Variants in ZNF48 observed in about 807,000 individuals in gnomAD.
ZNF48 encodes zinc finger protein 553.
In ZNF48, 20 loss-of-function variants were observed where a neutral mutation model predicts 40.0. The observed-to-expected ratio is 0.50, with a 90% CI of 0.35 to 0.73. The LOEUF is 0.73. ZNF48 is among the 30% of genes least tolerant of loss of function. The probability of loss-of-function intolerance (pLI) is 0.01; values close to 1 mark genes in which losing one functional copy is unlikely to be tolerated. For missense variants in ZNF48, 726 were observed against 851.9 expected (o/e 0.85, Z 1.84); for synonymous variants, 298 against 329.7 (o/e 0.90, Z 1.04).
upstream of ZNF48, among the ~76,000 whole-genome samples, chr16:30,390,626 T>G (rs1229503363): frequency 2.4e-4 from 25 of 106,372 alleles, no homozygotes; most frequent in Admixed American, 4.4e-4. Flanking sequence ...TTTTTTTTTT[T>G]TTTTTTTTTT....
Position 30,382,829 on chromosome 16 carries a change from G to A in ZNF48, c.-16+4419G>A, listed in dbSNP as rs1436195867. 7 of 1,519,364 alleles carry A rather than the reference G, an allele frequency of 4.6e-6. No individual in the cohort carries two copies. Among genetic ancestry groups the A allele is most frequent in the East Asian group, 4.9e-5 (2 of 40,858 alleles). 94.1% of individuals were successfully genotyped at this position (1,519,364 alleles called of 1,614,324 possible). On this transcript the variant is annotated intron_variant, in intron 1 of 2. Transcript: ENST00000528032. The surrounding 1 kb of genome is among the most constrained non-coding windows in gnomAD (Gnocchi z 4.8). ...TGGGGTATGTGCAGAGAGGAAGGAA[G>A]TGGCTCCCTTTGTTAGCAGGGGAGA...
At chr16:30,388,177 T>C (rs2049915936) in intron 1 of ZNF48, among the ~76,000 whole-genome samples, 1 of 152,034 alleles carries the variant, frequency 6.6e-6, no homozygotes. Context: ...TTTCTCAGTG[T>C]TGGTCAGGCT....
chr16:30,378,827 C>T lies in ZNF48; in HGVS notation c.-16+417C>T, dbSNP rs560713592. 1.0e-3 allele frequency: 475 copies of T among 471,578 alleles called. 1 individual carries two copies. The African/African-American group carries it at 0.02, about 19-fold the overall frequency. 29.2% of individuals were successfully genotyped at this position (471,578 alleles called of 1,614,324 possible). A position where few individuals can be genotyped will look rare whatever the true frequency, so the allele number is the denominator to read the frequency against. On this transcript the variant is annotated intron_variant, in intron 1 of 2. Coordinates refer to the ZNF48 transcript ENST00000528032. ...GGAGCCAGTTCCTTGAGGTTAGGGC[C>T]GGAGGCAAAGCGGGTGGGGAGAGAG...
Position 30,382,153 on chromosome 16 carries a change from G to A in ZNF48, c.-16+3743G>A. ...TTGGTGAGGAAGAGGCTGTTGATGA[G>A]GGTGGATTTCCCTAGGCCTGACTCC... On this transcript the variant is annotated intron_variant, in intron 1 of 2. Transcript: ENST00000528032. The surrounding 1 kb of genome is among the most constrained non-coding windows in gnomAD (Gnocchi z 4.8). 1 of 1,601,742 alleles carries A rather than the reference G, an allele frequency of 6.2e-7. No homozygotes were observed. The highest frequency in any genetic ancestry group is 8.5e-7 in the Non-Finnish European group (1 of 1,174,150).
upstream of ZNF48, chr16:30,395,317 C>A: frequency 2.2e-6 from 1 of 453,762 alleles, no homozygotes; most frequent in Middle Eastern, 3.6e-4. This position sits in a 1 kb window ranked among gnomAD's most constrained non-coding sequence, Gnocchi z 5.9. Flanking sequence ...CGCTGCCGCC[C>A]GCCGGCCACA....
intron 1 of ZNF48, chr16:30,379,336 T>A: frequency 6.3e-6 from 9 of 1,436,846 alleles, no homozygotes; most frequent in Non-Finnish European, 8.7e-6. Context: ...TAGGATCCCC[T>A]GGGACCAAAG....
At chr16:30,379,674 G>A (rs2049815435) in intron 1 of ZNF48, 2 of 427,878 alleles carry the variant, frequency 4.7e-6, no homozygotes, top group Non-Finnish European at 7.9e-6. Flanking sequence ...TTTGAGACAG[G>A]GTCTCACTCC....
In ZNF48 at chr16:30,398,755, G is replaced by A. The variant is rs765659653; in HGVS notation, c.1505G>A (p.Arg502His). 19 of 1,613,708 alleles carry A rather than the reference G, an allele frequency of 1.2e-5. No homozygotes were observed. The highest frequency in any genetic ancestry group is 3.3e-5 in the Admixed American group (2 of 60,008). Residue 502 changes from arginine to histidine, a missense_variant, in exon 3 of 3, where the codon CGT becomes CAT. Arg to His is a conservative substitution (Grantham distance 29). This residue lies in a region of ZNF48 where 166 missense variants were observed against 163.6 expected (regional missense o/e 1.01). Transcript: ENST00000613509. The surrounding 1 kb of genome is among the most constrained non-coding windows in gnomAD (Gnocchi z 6.6). ...SARVKHLRTH[R>H]GERARPPPPS... ...CGAGTCAAGCACCTCCGCACCCACCGTGGTGAACGGGCCCGGCCACCACCA... is the reference window on the plus strand; with the variant it reads ...CGAGTCAAGCACCTCCGCACCCACCATGGTGAACGGGCCCGGCCACCACCA...
intron 1 of ZNF48, among the ~76,000 whole-genome samples, chr16:30,386,161 C>T (rs1383411931): frequency 1.3e-5 from 2 of 151,758 alleles, no homozygotes; most frequent in Non-Finnish European, 2.9e-5. Flanking sequence ...CAATTGTTGC[C>T]CCAGCTAGTT....
chr16:30,382,556 G>A lies in ZNF48; in HGVS notation c.-16+4146G>A, dbSNP rs375914201. 2.3e-5 allele frequency: 36 copies of A among 1,588,758 alleles called. No individual in the cohort carries two copies. Among genetic ancestry groups the A allele is most frequent in the African/African-American group, 2.7e-5 (2 of 74,656 alleles). On this transcript the variant is annotated intron_variant, in intron 1 of 2. Transcript: ENST00000528032. The surrounding 1 kb of genome is among the most constrained non-coding windows in gnomAD (Gnocchi z 4.8). ...TCCGCCAGCCATCACTGCACCTGCC[G>A]TCTCTCCCCACTTCCTCTGGTGGGG...
At chr16:30,393,165 C>G (rs902436351), upstream of ZNF48, among the ~76,000 whole-genome samples, 3 of 152,270 alleles carry the variant, frequency 2.0e-5, no homozygotes, top group South Asian at 4.1e-4. Flanking sequence ...CAACCTCCGC[C>G]TCTGGGGTTC....
At position 30,382,683 on chromosome 16, in the gene ZNF48, C is replaced by T; in HGVS notation, c.-16+4273C>T. 2 of 1,532,194 alleles carry T rather than the reference C, an allele frequency of 1.3e-6. No individual in the cohort carries two copies. The highest frequency in any genetic ancestry group is 2.4e-5 in the South Asian group (2 of 83,912). The allele number at this position is 1,532,194 out of a possible 1,614,324, so 94.9% of individuals were successfully genotyped here. A position where few individuals can be genotyped will look rare whatever the true frequency, so the allele number is the denominator to read the frequency against. On this transcript the variant is annotated intron_variant, in intron 1 of 2. Coordinates refer to the ZNF48 transcript ENST00000528032. The surrounding 1 kb of genome is among the most constrained non-coding windows in gnomAD (Gnocchi z 4.8). Reference sequence around the variant, plus strand: ...AGGTGGGGAAGGCCAAGGCCAAGAACACTTGGGGTTGCCACCTCCTGGACC... The same window carrying T: ...AGGTGGGGAAGGCCAAGGCCAAGAATACTTGGGGTTGCCACCTCCTGGACC...
At chr16:30,392,860 A>G (rs1834277466), upstream of ZNF48, among the ~76,000 whole-genome samples, 1 of 152,152 alleles carries the variant, frequency 6.6e-6, no homozygotes, top group Admixed American at 6.6e-5. Flanking sequence ...TGACAACTCC[A>G]TATCCTATTG....
chr16:30,378,537 T>A, intron 1 of ZNF48: 1 of 1,599,726 alleles, frequency 6.3e-7, no homozygotes, highest in Non-Finnish European at 8.5e-7. Flanking sequence ...AGGGCGAGAT[T>A]GCAGGCGGTG....
At position 30,398,258 on chromosome 16, in the gene ZNF48, C is replaced by T. The variant is rs752692597; in HGVS notation, c.1008C>T (p.Cys336=). 28 of 1,613,256 alleles carry T rather than the reference C, an allele frequency of 1.7e-5. No individual in the cohort carries two copies. The highest frequency in any genetic ancestry group is 2.2e-5 in the Non-Finnish European group (26 of 1,180,018). Residue 336 remains cysteine (C), a synonymous_variant, in exon 3 of 3, where the codon TGC becomes TGT. Coordinates refer to ENST00000613509, the MANE Select transcript of ZNF48 (RefSeq NM_001214909.2). This position sits in a 1 kb window ranked among gnomAD's most constrained non-coding sequence, Gnocchi z 6.6. ...AGAAGCCCTACCTCTGCCCAGAGTG[C>T]GGCAAAGGTTTCGCGGACAGCTCCG... ...TGEKPYLCPE[C]GKGFADSSAR...
In ZNF48 at chr16:30,382,317, T is replaced by C; in HGVS notation, c.-16+3907T>C. On this transcript the variant is annotated intron_variant, in intron 1 of 2. Transcript: ENST00000528032. This position sits in a 1 kb window ranked among gnomAD's most constrained non-coding sequence, Gnocchi z 4.8. ...AAGTCAAACCCCTTCTTGACAGACT[T>C]GCGGTGCAGCTGGTTGGGGAGGGCA... The C allele has an allele frequency of 6.2e-7, 1 of 1,613,820 alleles. No homozygotes were observed. Among genetic ancestry groups the C allele is most frequent in the African/African-American group, 1.3e-5 (1 of 75,006 alleles).
At chr16:30,379,365 G>A in intron 1 of ZNF48, 1 of 1,472,640 alleles carries the variant, frequency 6.8e-7, no homozygotes, top group Non-Finnish European at 9.5e-7. Context: ...AACTTCACAT[G>A]TTGAGTGCGC....
rs776756845 is a variant in ZNF48 at position 30,382,224 on chromosome 16, G to T, written c.-16+3814G>T. The T allele has an allele frequency of 3.3e-5, 54 of 1,612,796 alleles. No homozygotes were observed. The highest frequency in any genetic ancestry group is 3.3e-4 in the Middle Eastern group (2 of 6,082). ...AACTGGTCAGGGGAGGGGACAGCCA[G>T]GGCCTCCTAAGGACATCCCCTCCGC... On this transcript the variant is annotated intron_variant, in intron 1 of 2. Transcript: ENST00000528032. The surrounding 1 kb of genome is among the most constrained non-coding windows in gnomAD (Gnocchi z 4.8).
chr16:30,393,001 A>G (rs2049953671), upstream of ZNF48, among the ~76,000 whole-genome samples: 1 of 152,116 alleles, frequency 6.6e-6, no homozygotes, highest in Admixed American at 6.6e-5. Context: ...CATGCATGCC[A>G]GGCACACAGA....
Sources: gnomAD v4.1 joint callset for allele counts (sites outside exome capture counted in the v4.1 genomes callset) on GRCh38, gnomAD v4.1.1 for gene constraint, gnomAD v4.1.1 regional missense constraint, Gnocchi (gnomAD v3.1) non-coding constraint, MANE v1.5 for transcripts, NCBI Gene and HGNC (gene_info 2026-07-23, HGNC 2026-07-21) for gene names.